Variants in RIMS1 observed in about 807,000 individuals in gnomAD.
RIMS1 encodes the protein regulating synaptic membrane exocytosis 1, also known as regulating synaptic membrane exocytosis protein 1.
In RIMS1, 83 loss-of-function variants were observed where a neutral mutation model predicts 214.1. The observed-to-expected ratio is 0.39, with a 90% CI of 0.32 to 0.47. RIMS1 has a LOEUF of 0.47. RIMS1 is among the 20% of genes least tolerant of loss of function. The probability of loss-of-function intolerance (pLI) is 0.99; values close to 1 mark genes in which losing one functional copy is unlikely to be tolerated. For synonymous variants in RIMS1, 793 were observed against 786.8 expected, an observed-to-expected ratio of 1.01 and a Z score of -0.13; for missense variants, 2,050 against 2,161.8, an observed-to-expected ratio of 0.95 and a Z score of 1.03.
At chr6:71,968,835 A>G (rs1317998608) in intron 1 of RIMS1, 148 bp from the exon 2 acceptor site, 5 of 671,168 alleles carry the variant, frequency 7.4e-6, no homozygotes, top group African/African-American at 3.6e-5. Flanking sequence ...TCCAACTCCA[A>G]GGGCTTTGCT....
intron 2 of RIMS1, among the ~76,000 whole-genome samples, chr6:72,086,785 G>C (rs1055088047): frequency 3.9e-5 from 6 of 152,158 alleles, no homozygotes; most frequent in African/African-American, 1.2e-4. Flanking sequence ...CACAGGATGA[G>C]AAATTGAACT....
intron 1 of RIMS1, among the ~76,000 whole-genome samples, chr6:71,890,596 A>AAC (rs3076608): frequency 0.02 from 2,264 of 112,810 alleles, 444 homozygotes; most frequent in African/African-American, 0.071. Flanking sequence ...AAAAAAAAAA[A>AAC]ACTTCATAGA....
At chr6:72,080,179 G>T (rs1029339647) in intron 2 of RIMS1, among the ~76,000 whole-genome samples, 1 of 149,128 alleles carries the variant, frequency 6.7e-6, no homozygotes, top group Non-Finnish European at 1.5e-5. Flanking sequence ...CAGGAGAATC[G>T]CTGGAACCCG....
intron 31 of RIMS1, among the ~76,000 whole-genome samples, chr6:72,395,275 C>G (rs1282817781): frequency 6.6e-6 from 1 of 151,854 alleles, no homozygotes; most frequent in Non-Finnish European, 1.5e-5. Flanking sequence ...AACATAAAAC[C>G]TGAGAGATTG....
chr6:72,255,685 GAAAA>G (rs1455510005), intron 16 of RIMS1, among the ~76,000 whole-genome samples: 25 of 152,040 alleles, frequency 1.6e-4, no homozygotes, highest in African/African-American at 5.6e-4. Context: ...CAGAAAATGA[GAAAA>G]AAATTCTCTA....
At chr6:72,302,482 C>T (rs1244650924) in intron 26 of RIMS1, among the ~76,000 whole-genome samples, 1 of 151,372 alleles carries the variant, frequency 6.6e-6, no homozygotes, top group Non-Finnish European at 1.5e-5. Context: ...TTCATCTTTT[C>T]TTGTTAATCT....
chr6:72,039,701 T>C (rs888913995), intron 2 of RIMS1, among the ~76,000 whole-genome samples: 5 of 152,114 alleles, frequency 3.3e-5, no homozygotes, highest in African/African-American at 9.6e-5. Context: ...GTGATTTGGG[T>C]GGAGTTATTG....
intron 6 of RIMS1, chr6:72,213,323 C>A: frequency 9.0e-7 from 1 of 1,109,200 alleles, no homozygotes; most frequent in Non-Finnish European, 1.2e-6. Context: ...CAAAATATTT[C>A]TATTCTCTGT....
chr6:72,047,541 AAG>A (rs1409531734), intron 2 of RIMS1, among the ~76,000 whole-genome samples: 2 of 152,178 alleles, frequency 1.3e-5, no homozygotes, highest in African/African-American at 4.8e-5. Flanking sequence ...ATATGAAAGA[AAG>A]AAGTTTAATG....
At chr6:72,271,655 G>A (rs1262676761) in intron 22 of RIMS1, among the ~76,000 whole-genome samples, 1 of 152,024 alleles carries the variant, frequency 6.6e-6, no homozygotes, top group Non-Finnish European at 1.5e-5. Flanking sequence ...GGGGGAGAGG[G>A]AAGAGCTGCA....
intron 6 of RIMS1, among the ~76,000 whole-genome samples, chr6:72,200,638 AAG>A (rs1020248175): frequency 6.6e-6 from 1 of 152,174 alleles, no homozygotes; most frequent in African/African-American, 2.4e-5. Context: ...CATAAAACAG[AAG>A]AGAGACTACT....
At chr6:71,978,272 G>T (rs977080751) in intron 2 of RIMS1, among the ~76,000 whole-genome samples, 5 of 152,106 alleles carry the variant, frequency 3.3e-5, no homozygotes, top group Non-Finnish European at 7.4e-5. Flanking sequence ...GGTATCTATT[G>T]TTGAATACTT....
intron 29 of RIMS1, among the ~76,000 whole-genome samples, chr6:72,377,569 G>T (rs1031781768): frequency 6.6e-6 from 1 of 152,158 alleles, no homozygotes; most frequent in Non-Finnish European, 1.5e-5. Flanking sequence ...AGCAAGAACA[G>T]AGTAGGGCCC....
intron 1 of RIMS1, among the ~76,000 whole-genome samples, chr6:71,932,722 T>C (rs191540967): frequency 3.3e-5 from 5 of 152,218 alleles, no homozygotes; most frequent in Admixed American, 6.5e-5. Flanking sequence ...GCAATCCTTC[T>C]CCTTTAGCCT....
At chr6:72,138,562 A>G (rs1232587728) in intron 4 of RIMS1, among the ~76,000 whole-genome samples, 1 of 152,210 alleles carries the variant, frequency 6.6e-6, no homozygotes, top group African/African-American at 2.4e-5. Context: ...GAAGGCATAC[A>G]CATCTGGCTG....
Position 71,954,584 on chromosome 6 carries a change from A to G in RIMS1, c.165-14399A>G, listed in dbSNP as rs186793376. 1.3e-3 allele frequency among the ~76,000 whole-genome samples: 202 copies of G among 152,258 alleles called. 1 individual carries two copies. Among genetic ancestry groups the G allele is most frequent in the African/African-American group, 4.6e-3 (190 of 41,570 alleles). The stretch of plus-strand genomic sequence containing the variant: ...AATTATTTGACTTCCGTAGTTGTTT[A>G]TTGGAGTGATTGCTTTCCAAAGCAC... On this transcript the variant is annotated intron_variant, in intron 1 of 33. Transcript: ENST00000521978.
intron 4 of RIMS1, among the ~76,000 whole-genome samples, chr6:72,129,740 A>G (rs1307914874): frequency 6.6e-6 from 1 of 152,118 alleles, no homozygotes; most frequent in African/African-American, 2.4e-5. Context: ...CTAAAAAAAA[A>G]ACGGACAGTT....
At chr6:72,339,607 C>T (rs1237358711) in intron 29 of RIMS1, among the ~76,000 whole-genome samples, 1 of 152,044 alleles carries the variant, frequency 6.6e-6, no homozygotes, top group Non-Finnish European at 1.5e-5. Flanking sequence ...CTACAAAGGA[C>T]ATGAACTCAT....
chr6:72,390,514 A>T, intron 29 of RIMS1, 84 bp from the exon 30 acceptor site: 2 of 1,348,160 alleles, frequency 1.5e-6, no homozygotes, highest in Non-Finnish European at 1.0e-6. Context: ...TGTAAAATTA[A>T]CTATTGTATT....
Sources: gnomAD v4.1 joint callset for allele counts (sites outside exome capture counted in the v4.1 genomes callset) on GRCh38, gnomAD v4.1.1 for gene constraint, MANE v1.5 for transcripts, NCBI Gene and HGNC (gene_info 2026-07-23, HGNC 2026-07-21) for gene names.